Variants in EDA observed in about 807,000 individuals in gnomAD.
EDA encodes the protein ectodysplasin-A.
Under a neutral mutation model 23.6 loss-of-function variants are expected in EDA, and 2 were observed. The observed-to-expected ratio is 0.08, with a 90% CI of 0.03 to 0.27. EDA has a LOEUF of 0.27. Among genes scored for constraint, EDA ranks in the 10% least tolerant of loss-of-function variants. EDA has a pLI of 1.00. For missense variants in EDA, 229 were observed against 324.2 expected (o/e 0.71, Z 2.26); for synonymous variants, 131 against 132.0 (o/e 0.99, Z 0.05).
At chrX:69,662,612 G>C (rs1018789063) in intron 1 of EDA, among the ~76,000 whole-genome samples, 1 of 112,308 alleles carries the variant, frequency 8.9e-6, no homozygotes, top group African/African-American at 3.2e-5. Context: ...GGACATTGCT[G>C]TAAAGATACC....
intron 1 of EDA, among the ~76,000 whole-genome samples, chrX:69,730,127 G>T (rs1364699983): frequency 5.4e-5 from 6 of 111,397 alleles, no homozygotes. Context: ...GCCTCCCAAA[G>T]TGCTGGGATT....
intron 1 of EDA, among the ~76,000 whole-genome samples, chrX:69,665,994 C>G (rs1409937386): frequency 9.0e-6 from 1 of 111,347 alleles, no homozygotes; most frequent in African/African-American, 3.3e-5. Flanking sequence ...TTTATTTCAT[C>G]AGTGTTTTGC....
In EDA at chrX:69,744,864, G is replaced by A. The variant is rs1227808686; in HGVS notation, c.396+128160G>A. Among the ~76,000 whole-genome samples the A allele has an allele frequency of 5.4e-5, 6 of 111,395 alleles. No individual in the cohort carries two copies. The Admixed American group carries it at 5.7e-4, about 11-fold the overall frequency. On this transcript the variant is annotated intron_variant, in intron 1 of 7. Coordinates refer to ENST00000374552, the MANE Select transcript of EDA (RefSeq NM_001399.5). Reference sequence around the variant, plus strand: ...GTTGAAACTTAATAACTTGCCTACGGGCACAGGCTGTTATAGAATTTGGCA... The same window carrying A: ...GTTGAAACTTAATAACTTGCCTACGAGCACAGGCTGTTATAGAATTTGGCA...
At chrX:70,028,341 G>A (rs1569405108) in intron 4 of EDA, among the ~76,000 whole-genome samples, 1 of 111,653 alleles carries the variant, frequency 9.0e-6, no homozygotes. Flanking sequence ...AAACTCATAT[G>A]AGCCAGAGAC....
intron 1 of EDA, among the ~76,000 whole-genome samples, chrX:69,897,514 TTACTTA>T (rs776975360): frequency 7.1e-5 from 8 of 112,264 alleles, no homozygotes; most frequent in Non-Finnish European, 1.5e-4. Flanking sequence ...GGTTTTACTT[TTACTTA>T]AACTACTAAA....
intron 1 of EDA, among the ~76,000 whole-genome samples, chrX:69,886,406 C>G (rs770997447): frequency 9.0e-6 from 1 of 111,223 alleles, no homozygotes; most frequent in African/African-American, 3.3e-5. Context: ...CACCCAGGGA[C>G]CCACCAGGAG....
chrX:69,982,590 T>C (rs888183143), intron 2 of EDA, among the ~76,000 whole-genome samples: 4 of 111,727 alleles, frequency 3.6e-5, no homozygotes, highest in African/African-American at 1.3e-4. Flanking sequence ...AAATTCACTT[T>C]TGAGGATATT....
At chrX:69,645,690 A>G (rs1932913814) in intron 1 of EDA, among the ~76,000 whole-genome samples, 2 of 103,138 alleles carry the variant, frequency 1.9e-5, no homozygotes, top group Admixed American at 1.1e-4. Context: ...CGTTTGTTAC[A>G]TATGTATACA....
chrX:69,928,569 G>T (rs2018554092), intron 1 of EDA, among the ~76,000 whole-genome samples: 1 of 111,699 alleles, frequency 9.0e-6, no homozygotes, highest in African/African-American at 3.2e-5. Flanking sequence ...AACTATGAAT[G>T]AAACCCATAT....
chrX:69,897,123 A>G (rs964542211), intron 1 of EDA, among the ~76,000 whole-genome samples: 1 of 110,881 alleles, frequency 9.0e-6, no homozygotes, highest in Non-Finnish European at 1.9e-5. Context: ...AAAAATTTGC[A>G]CAAACCTATG....
Position 70,032,087 on chromosome X carries a change from C to T in EDA, c.794-1311C>T, listed in dbSNP as rs763568212. Among the ~76,000 whole-genome samples the T allele has an allele frequency of 5.4e-5, 6 of 110,534 alleles. No individual in the cohort carries two copies. In the East Asian group the frequency reaches 1.1e-3, roughly 21 times the overall value. On this transcript the variant is annotated intron_variant, in intron 6 of 7. Transcript: ENST00000374552. Reference sequence around the variant, plus strand: ...CAGCCTGGCCAACATGGTGAAACCCCGTCTCCACAAAAAATACAAAAATTA... The same window carrying T: ...CAGCCTGGCCAACATGGTGAAACCCTGTCTCCACAAAAAATACAAAAATTA...
At chrX:69,846,705 G>A (rs562722080) in intron 1 of EDA, among the ~76,000 whole-genome samples, 1 of 111,818 alleles carries the variant, frequency 8.9e-6, no homozygotes, top group African/African-American at 3.2e-5. Flanking sequence ...TGTTAGTATT[G>A]AGAAGAAGGA....
At chrX:69,625,529 A>T (rs1932351592) in intron 1 of EDA, among the ~76,000 whole-genome samples, 1 of 111,177 alleles carries the variant, frequency 9.0e-6, no homozygotes, top group Non-Finnish European at 1.9e-5. Flanking sequence ...TCTTATATTT[A>T]TAATCAATTG....
At chrX:69,885,324 C>T in intron 1 of EDA, among the ~76,000 whole-genome samples, 1 of 112,066 alleles carries the variant, frequency 8.9e-6, no homozygotes, top group Non-Finnish European at 1.9e-5. Context: ...CAAACTGAAA[C>T]TCTTTAACTA....
intron 1 of EDA, chrX:69,938,146 C>A (rs1417052370): frequency 3.0e-6 from 2 of 662,684 alleles, no homozygotes; most frequent in South Asian, 3.0e-5. Flanking sequence ...TCCTCCTCCC[C>A]CTGGCCATAG....
At chrX:69,916,594 A>T (rs1343160674) in intron 1 of EDA, among the ~76,000 whole-genome samples, 1 of 108,178 alleles carries the variant, frequency 9.2e-6, no homozygotes, top group Non-Finnish European at 1.9e-5. Flanking sequence ...TTTAGTAGAG[A>T]CAGGGTTTCA....
At chrX:70,004,813 C>T (rs773323513) in intron 2 of EDA, among the ~76,000 whole-genome samples, 1 of 112,207 alleles carries the variant, frequency 8.9e-6, no homozygotes, top group South Asian at 3.7e-4. Context: ...AGCTAGAAGC[C>T]TGGGCCAGGA....
intron 1 of EDA, among the ~76,000 whole-genome samples, chrX:69,836,615 T>A (rs140349217): frequency 1.8e-5 from 2 of 111,929 alleles, no homozygotes; most frequent in Non-Finnish European, 3.8e-5. Context: ...GGCGGGAGTG[T>A]CCCGTTTTTC....
chrX:70,022,003 C>T (rs1444945149), intron 2 of EDA, among the ~76,000 whole-genome samples: 1 of 111,643 alleles, frequency 9.0e-6, no homozygotes, highest in African/African-American at 3.3e-5. Flanking sequence ...TTTGTAAGCT[C>T]TTGAGGGCAC....
Sources: allele counts gnomAD v4.1 joint callset (sites outside exome capture counted in the v4.1 genomes callset), GRCh38; gene constraint gnomAD v4.1.1; transcripts MANE v1.5; gene names NCBI Gene and HGNC (gene_info 2026-07-23, HGNC 2026-07-21).